WDR72: variants seen among roughly 807,000 people sequenced by gnomAD.
WDR72 encodes WD repeat-containing protein 72.
A neutral mutation model predicts 124.2 loss-of-function variants in WDR72; 120 were observed. The ratio of observed to expected loss-of-function variants is 0.97; its 90% CI spans 0.83 to 1.12. The LOEUF (loss-of-function observed/expected upper bound fraction) is 1.12. Ranked by LOEUF, WDR72 falls within the 50% of genes most tolerant of loss-of-function variation. The probability of loss-of-function intolerance (pLI) is 0.00; values close to 1 mark genes in which losing one functional copy is unlikely to be tolerated. For missense variants in WDR72, 1,387 were observed against 1,278.8 expected (o/e 1.08, Z -1.29); for synonymous variants, 452 against 441.7 (o/e 1.02, Z -0.29).
chr15:53,581,052 T>C (rs535778032), intron 18 of WDR72, among the ~76,000 whole-genome samples: 1 of 140,220 alleles, frequency 7.1e-6, no homozygotes. Context: ...TTGGAAACCA[T>C]AAACACATTG....
chr15:53,657,545 C>T (rs974782933), intron 14 of WDR72, among the ~76,000 whole-genome samples: 8 of 152,000 alleles, frequency 5.3e-5, no homozygotes, highest in African/African-American at 1.9e-4. Context: ...CTTCCCCCTT[C>T]AAATTAACTG....
intron 18 of WDR72, among the ~76,000 whole-genome samples, chr15:53,574,919 G>A (rs549172233): frequency 5.9e-5 from 9 of 151,340 alleles, no homozygotes; most frequent in Admixed American, 2.0e-4. Flanking sequence ...AACAACTCCC[G>A]TACCAAGCCC....
intron 18 of WDR72, among the ~76,000 whole-genome samples, chr15:53,546,687 A>G (rs974580239): frequency 2.0e-5 from 3 of 152,030 alleles, no homozygotes; most frequent in South Asian, 4.2e-4. Context: ...AAGAACAAAG[A>G]AAGAAATGCA....
At chr15:53,669,377 T>C (rs1485517475) in intron 13 of WDR72, among the ~76,000 whole-genome samples, 2 of 152,096 alleles carry the variant, frequency 1.3e-5, no homozygotes, top group African/African-American at 4.8e-5. Flanking sequence ...AACTTAGCCC[T>C]AGGGGGTGGA....
rs545435166 is a variant in WDR72, at chr15:53,716,321, T to G, written c.339+286A>C. Among the ~76,000 whole-genome samples, 284 of 152,300 alleles carry G rather than the reference T, an allele frequency of 1.9e-3. 4 individuals carry two copies. Among genetic ancestry groups the G allele is most frequent in the African/African-American group, 6.5e-3 (272 of 41,562 alleles). The stretch of plus-strand genomic sequence containing the variant: ...CTGAATTTTTACACATGTACAAGTA[T>G]GTGTATGTTTTGTAGCACTAAGGCA... On this transcript the variant is annotated intron_variant, in intron 4 of 19. Coordinates refer to ENST00000360509, the MANE Select transcript of WDR72 (RefSeq NM_182758.4).
chr15:53,575,006 A>AACAC (rs3081214), intron 18 of WDR72, among the ~76,000 whole-genome samples: 3,983 of 147,242 alleles, frequency 0.027, 74 homozygotes, highest in Middle Eastern at 0.13. Flanking sequence ...AATCAAACAC[A>AACAC]ACACACACAC....
chr15:53,720,579 T>C (rs1334308598), intron 3 of WDR72, among the ~76,000 whole-genome samples: 1 of 152,234 alleles, frequency 6.6e-6, no homozygotes, highest in African/African-American at 2.4e-5. Context: ...CCCCAATTTT[T>C]CAAAAGTGTT....
intron 14 of WDR72, among the ~76,000 whole-genome samples, chr15:53,655,925 T>A (rs2015406417): frequency 6.6e-6 from 1 of 152,198 alleles, no homozygotes. Flanking sequence ...ACTCCTGACC[T>A]TGTGATCCAC....
intron 2 of WDR72, among the ~76,000 whole-genome samples, chr15:53,726,795 G>A (rs972313780): frequency 1.7e-4 from 26 of 152,140 alleles, no homozygotes; most frequent in Admixed American, 9.2e-4. Flanking sequence ...AGCAAGCTGA[G>A]CTCATGCCAC....
At chr15:53,709,004 G>A (rs1463274139) in intron 9 of WDR72, among the ~76,000 whole-genome samples, 1 of 152,178 alleles carries the variant, frequency 6.6e-6, no homozygotes, top group African/African-American at 2.4e-5. Context: ...CTGAGAACCT[G>A]TTACTGTCAA....
intron 18 of WDR72, among the ~76,000 whole-genome samples, chr15:53,587,787 G>T: frequency 6.6e-6 from 1 of 152,004 alleles, no homozygotes; most frequent in East Asian, 1.9e-4. Context: ...ATTGTCCCTA[G>T]ATTGGCAGGG....
Position 53,705,243 on chromosome 15 carries a change from A to T in WDR72, c.1103-10T>A. On this transcript the variant is annotated splice_polypyrimidine_tract_variant and intron_variant, in intron 10 of 19. Coordinates refer to ENST00000360509, the MANE Select transcript of WDR72 (RefSeq NM_182758.4). ...GCAGTTACTGGTATCTCTAAAAAGA[A>T]AACAGACATAAAAAGAAAATTTGGT... 6.2e-7 allele frequency: 1 copy of T among 1,611,262 alleles called. No homozygotes were observed. Among genetic ancestry groups the T allele is most frequent in the Non-Finnish European group, 8.5e-7 (1 of 1,179,956 alleles).
At chr15:53,681,959 TA>T (rs1177351881) in intron 13 of WDR72, among the ~76,000 whole-genome samples, 4 of 152,194 alleles carry the variant, frequency 2.6e-5, no homozygotes, top group African/African-American at 9.6e-5. Flanking sequence ...AATGTTTATA[TA>T]AAGTATAATC....
At chr15:53,675,126 C>T (rs948758058) in intron 13 of WDR72, among the ~76,000 whole-genome samples, 11 of 152,136 alleles carry the variant, frequency 7.2e-5, no homozygotes, top group Admixed American at 5.9e-4. Context: ...AGGCGGATCA[C>T]GAGGTCAGGA....
chr15:53,718,941 T>A (rs2017796025), intron 3 of WDR72, among the ~76,000 whole-genome samples: 1 of 152,180 alleles, frequency 6.6e-6, no homozygotes, highest in South Asian at 2.1e-4. Context: ...AATTGTTATA[T>A]TCTCACTACA....
chr15:53,581,754 C>G (rs2011940715), intron 18 of WDR72, among the ~76,000 whole-genome samples: 1 of 151,988 alleles, frequency 6.6e-6, no homozygotes, highest in Non-Finnish European at 1.5e-5. Context: ...GCACACAGCT[C>G]TTACCTCTGG....
intron 3 of WDR72, among the ~76,000 whole-genome samples, chr15:53,721,882 T>C (rs1229618456): frequency 6.6e-6 from 1 of 152,128 alleles, no homozygotes; most frequent in Non-Finnish European, 1.5e-5. Context: ...TGGAACTTTT[T>C]CCTACAGGTA....
At chr15:53,617,291 T>A (rs371041673) in intron 14 of WDR72, among the ~76,000 whole-genome samples, 1 of 151,594 alleles carries the variant, frequency 6.6e-6, no homozygotes, top group South Asian at 2.1e-4. Context: ...TAAATACAAA[T>A]AAATGAATAA....
At chr15:53,665,477 A>AG in intron 14 of WDR72, 95 bp downstream of exon 14, 1 of 1,391,766 alleles carries the variant, frequency 7.2e-7, no homozygotes, top group Non-Finnish European at 1.0e-6. Context: ...TCTTGTTTTC[A>AG]TGCTGATACT....
Sources: allele counts gnomAD v4.1 joint callset (sites outside exome capture counted in the v4.1 genomes callset), GRCh38; gene constraint gnomAD v4.1.1; transcripts MANE v1.5; gene names NCBI Gene and HGNC (gene_info 2026-07-23, HGNC 2026-07-21).